LGSN: variants seen among roughly 807,000 people sequenced by gnomAD.
LGSN encodes lengsin, lens protein with glutamine synthetase domain, also known as lengsin.
Under a neutral mutation model 19.5 loss-of-function variants are expected in LGSN, and 21 were observed. The ratio of observed to expected loss-of-function variants is 1.07; its 90% CI spans 0.76 to 1.55. The LOEUF is 1.55. Ranked by LOEUF, LGSN falls within the 40% of genes most tolerant of loss-of-function variation. LGSN has a pLI of 0.00. For synonymous variants in LGSN, 257 were observed against 215.6 expected, an observed-to-expected ratio of 1.19 and a Z score of -1.68; for missense variants, 673 against 608.5, an observed-to-expected ratio of 1.11 and a Z score of -1.12.
chr6:63,360,866 C>T, the LGSN span, among the ~76,000 whole-genome samples: 1 of 152,178 alleles, frequency 6.6e-6, no homozygotes, highest in South Asian at 2.1e-4. Context: ...GTTAATTTTC[C>T]TTCTAACAGT....
chr6:63,402,178 G>A, the LGSN span, among the ~76,000 whole-genome samples: 1 of 152,108 alleles, frequency 6.6e-6, no homozygotes, highest in Non-Finnish European at 1.5e-5. Context: ...AATATATATA[G>A]TTGTCAGGCA....
At chr6:63,398,342 C>T in the LGSN span, among the ~76,000 whole-genome samples, 1 of 151,410 alleles carries the variant, frequency 6.6e-6, no homozygotes, top group Non-Finnish European at 1.5e-5. Context: ...GATCTTGAAA[C>T]GGGAAAAAAT....
intron 1 of LGSN, among the ~76,000 whole-genome samples, chr6:63,297,802 A>G (rs959847941): frequency 3.9e-5 from 6 of 152,224 alleles, no homozygotes; most frequent in African/African-American, 1.4e-4. Flanking sequence ...CTACCTCCTT[A>G]TATATTTTAA....
At chr6:63,378,035 A>G in the LGSN span, among the ~76,000 whole-genome samples, 10 of 108,266 alleles carry the variant, frequency 9.2e-5, no homozygotes, top group Admixed American at 1.7e-4. Context: ...CAGATTTTTG[A>G]AAAAAAAAAA....
the LGSN span, among the ~76,000 whole-genome samples, chr6:63,380,397 A>G: frequency 6.6e-6 from 1 of 152,236 alleles, no homozygotes; most frequent in Admixed American, 6.5e-5. Flanking sequence ...ATGAGTCTGC[A>G]GACGCATATC....
chr6:63,340,522 C>G, the LGSN span, among the ~76,000 whole-genome samples: 1 of 148,872 alleles, frequency 6.7e-6, no homozygotes, highest in East Asian at 2.0e-4. Context: ...TTCAGAAATT[C>G]TTTTTTCTGC....
the LGSN span, among the ~76,000 whole-genome samples, chr6:63,349,456 A>T: frequency 6.6e-6 from 1 of 152,202 alleles, no homozygotes; most frequent in South Asian, 2.1e-4. Flanking sequence ...TTGCTGTGAA[A>T]AGATTTGTGA....
At chr6:63,388,581 C>A in the LGSN span, among the ~76,000 whole-genome samples, 1 of 152,194 alleles carries the variant, frequency 6.6e-6, no homozygotes, top group Non-Finnish European at 1.5e-5. Flanking sequence ...ATTGACAAGC[C>A]AAGGAGAGAG....
chr6:63,379,722 A>G, the LGSN span, among the ~76,000 whole-genome samples: 1 of 152,342 alleles, frequency 6.6e-6, no homozygotes, highest in Admixed American at 6.5e-5. Flanking sequence ...TTACTTAATC[A>G]AACTCTCTGG....
chr6:63,304,712 A>G (rs1470546898), intron 1 of LGSN, among the ~76,000 whole-genome samples: 3 of 152,188 alleles, frequency 2.0e-5, no homozygotes, highest in Admixed American at 6.5e-5. Flanking sequence ...AGTAGTCATT[A>G]TCATTATCAT....
At chr6:63,361,548 G>A in the LGSN span, among the ~76,000 whole-genome samples, 40 of 152,226 alleles carry the variant, frequency 2.6e-4, no homozygotes, top group Admixed American at 4.6e-4. Flanking sequence ...TCCAGGTGCC[G>A]TCTGTCACAC....
chr6:63,490,189 A>T, the LGSN span, among the ~76,000 whole-genome samples: 1 of 152,256 alleles, frequency 6.6e-6, no homozygotes, highest in Non-Finnish European at 1.5e-5. Flanking sequence ...CCAGAAGAGT[A>T]CACTGCCTCT....
At chr6:63,554,746 C>T in the LGSN span, among the ~76,000 whole-genome samples, 1 of 152,102 alleles carries the variant, frequency 6.6e-6, no homozygotes, top group Non-Finnish European at 1.5e-5. Flanking sequence ...GAAATCGCAC[C>T]ACTACACTCT....
At chr6:63,373,543 C>T in the LGSN span, among the ~76,000 whole-genome samples, 1 of 152,122 alleles carries the variant, frequency 6.6e-6, no homozygotes, top group Non-Finnish European at 1.5e-5. Flanking sequence ...AATAACTGGC[C>T]TGTAATCTTA....
At chr6:63,389,963 T>G in the LGSN span, among the ~76,000 whole-genome samples, 1 of 151,848 alleles carries the variant, frequency 6.6e-6, no homozygotes, top group African/African-American at 2.4e-5. Context: ...GAGAGAAAAT[T>G]TTCTAGGTCT....
the LGSN span, among the ~76,000 whole-genome samples, chr6:63,565,226 G>T: frequency 6.6e-6 from 1 of 151,912 alleles, no homozygotes; most frequent in South Asian, 2.1e-4. Context: ...TGCCCAGGCG[G>T]TATCTGTCAC....
At chr6:63,529,535 C>T in the LGSN span, among the ~76,000 whole-genome samples, 1 of 152,124 alleles carries the variant, frequency 6.6e-6, no homozygotes, top group Admixed American at 6.6e-5. Flanking sequence ...CCTTTTCTAC[C>T]TCTCTCGCTT....
At chr6:63,495,045 A>G in the LGSN span, among the ~76,000 whole-genome samples, 1 of 152,148 alleles carries the variant, frequency 6.6e-6, no homozygotes, top group African/African-American at 2.4e-5. Context: ...CTATTAACCT[A>G]TATAATAACA....
At chr6:63,349,587 A>G in the LGSN span, among the ~76,000 whole-genome samples, 7 of 152,310 alleles carry the variant, frequency 4.6e-5, no homozygotes, top group African/African-American at 1.7e-4. Flanking sequence ...GATTCAAACT[A>G]TGATTGCAAT....
Sources: gnomAD v4.1 joint callset for allele counts (sites outside exome capture counted in the v4.1 genomes callset) on GRCh38, gnomAD v4.1.1 for gene constraint, MANE v1.5 for transcripts, NCBI Gene and HGNC (gene_info 2026-07-23, HGNC 2026-07-21) for gene names.